The following GLI3 variants were observed in gnomAD, a reference collection of about 807,000 sequenced individuals.
GLI3 encodes the protein transcription activator GLI3.
GLI3 carries 20 observed loss-of-function variants against 100.8 expected under a neutral mutation model. The observed-to-expected ratio is 0.20, with a 90% CI of 0.14 to 0.29. The LOEUF is 0.29. Ranked by LOEUF, GLI3 falls within the 10% of genes least tolerant of loss-of-function variation. GLI3 has a pLI of 1.00. For synonymous variants in GLI3, 938 were observed against 860.5 expected (o/e 1.09, Z -1.58); for missense variants, 2,040 against 2,128.5 (o/e 0.96, Z 0.82).
Position 41,968,751 on chromosome 7 carries a change from A to AGAAAGAAG in GLI3, c.2104-829_2104-828insCTTCTTTC, listed in dbSNP as rs1562662041. ...AAGAAAGAAAGAAAGAAAGAAAGAA[A>AGAAAGAAG]GAAAGAAAGAAGGAAAGAAAGAAAG... On this transcript the variant is annotated intron_variant, in intron 13 of 14. Transcript: ENST00000395925. 2.8e-3 allele frequency among the ~76,000 whole-genome samples: 284 copies of AGAAAGAAG among 102,384 alleles called. 2 individuals carry two copies. Among genetic ancestry groups the AGAAAGAAG allele is most frequent in the African/African-American group, 7.0e-3 (176 of 25,062 alleles). The allele number at this position is 102,384 out of a possible 152,430, so 67.2% of individuals were successfully genotyped here. A position where few individuals can be genotyped will look rare whatever the true frequency, so the allele number is the denominator to read the frequency against.
chr7:42,135,947 AC>A (rs1786418856), intron 3 of GLI3, among the ~76,000 whole-genome samples: 1 of 152,174 alleles, frequency 6.6e-6, no homozygotes, highest in African/African-American at 2.4e-5. Context: ...CAAAGGGGAT[AC>A]TGTCTTCCCA....
At position 41,966,177 on chromosome 7, in the gene GLI3, G is replaced by T. The variant is rs1218979975; in HGVS notation, c.2896C>A (p.Pro966Thr). 1 of 1,602,644 alleles carries T rather than the reference G, an allele frequency of 6.2e-7. No individual in the cohort carries two copies. The highest frequency in any genetic ancestry group is 2.2e-5 in the East Asian group (1 of 44,636). Residue 966 changes from proline (P) to threonine (T), a missense_variant, in exon 15 of 15, where the codon CCT becomes ACT. Pro to Thr is a conservative substitution (Grantham distance 38). Transcript: ENST00000395925. The surrounding 1 kb of genome is among the most constrained non-coding windows in gnomAD (Gnocchi z 5.8). ...RLALLGDALE[P>T]GVALPPVHAP... Reference sequence around the variant, plus strand: ...TGAACTGGAGGCAGGGCCACGCCAGGCTCGAGGGCATCCCCGAGCAGCGCC... The same window carrying T: ...TGAACTGGAGGCAGGGCCACGCCAGTCTCGAGGGCATCCCCGAGCAGCGCC...
At chr7:42,012,152 A>G (rs1042939092) in intron 10 of GLI3, among the ~76,000 whole-genome samples, 2 of 152,196 alleles carry the variant, frequency 1.3e-5, no homozygotes, top group Non-Finnish European at 1.5e-5. Flanking sequence ...GATCTAAGAG[A>G]GGAATGTCCA....
At chr7:42,182,313 C>T (rs1294639286) in intron 2 of GLI3, among the ~76,000 whole-genome samples, 4 of 151,720 alleles carry the variant, frequency 2.6e-5, no homozygotes, top group Non-Finnish European at 4.4e-5. Flanking sequence ...TACCATGTTG[C>T]GCAGGACAGC....
At chr7:42,139,235 G>A (rs1786506943) in intron 3 of GLI3, among the ~76,000 whole-genome samples, 2 of 151,986 alleles carry the variant, frequency 1.3e-5, no homozygotes, top group Non-Finnish European at 2.9e-5. Flanking sequence ...ACAGAACACT[G>A]TTAATTCTTT....
At chr7:42,248,847 G>T (rs1789002086) in intron 1 of GLI3, among the ~76,000 whole-genome samples, 1 of 151,714 alleles carries the variant, frequency 6.6e-6, no homozygotes, top group African/African-American at 2.4e-5. Context: ...GGAGTGCAGT[G>T]GTGTGGTCAC....
At chr7:42,138,834 C>A (rs73325689) in intron 3 of GLI3, among the ~76,000 whole-genome samples, 2 of 152,186 alleles carry the variant, frequency 1.3e-5, no homozygotes, top group South Asian at 2.1e-4. Flanking sequence ...CAGTGGACGA[C>A]GTAAACACCC....
chr7:41,985,554 G>GA (rs1176162996), intron 10 of GLI3, among the ~76,000 whole-genome samples: 1 of 152,010 alleles, frequency 6.6e-6, no homozygotes, highest in African/African-American at 2.4e-5. Context: ...AAAAAAATGG[G>GA]AAAATAATTT....
At chr7:42,212,617 A>T (rs1033899205) in intron 2 of GLI3, among the ~76,000 whole-genome samples, 1 of 152,250 alleles carries the variant, frequency 6.6e-6, no homozygotes, top group Non-Finnish European at 1.5e-5. Flanking sequence ...TTGCGGATTG[A>T]GAGCTAGCAA....
intron 10 of GLI3, among the ~76,000 whole-genome samples, chr7:42,010,327 G>C (rs1256601706): frequency 1.3e-5 from 2 of 152,212 alleles, no homozygotes; most frequent in Non-Finnish European, 2.9e-5. Context: ...CACAGGGCTG[G>C]GTAGGGGAGT....
At chr7:42,241,826 T>C (rs574102731), upstream of GLI3, among the ~76,000 whole-genome samples, 134 of 152,348 alleles carry the variant, frequency 8.8e-4, 1 homozygote, top group Middle Eastern at 0.024. Flanking sequence ...CTGTGTGACA[T>C]TGACCCATAC....
intron 3 of GLI3, among the ~76,000 whole-genome samples, chr7:42,125,790 T>C (rs1002940119): frequency 3.3e-5 from 5 of 152,156 alleles, no homozygotes; most frequent in African/African-American, 9.7e-5. Flanking sequence ...TAGACGGCAT[T>C]TACGTGCAAA....
chr7:42,234,593 G>T (rs1788754103), intron 1 of GLI3, among the ~76,000 whole-genome samples: 1 of 152,114 alleles, frequency 6.6e-6, no homozygotes, highest in Non-Finnish European at 1.5e-5. Context: ...TTATATCAAG[G>T]TTCAGTCAAG....
At chr7:42,198,824 G>GA (rs1029789958) in intron 2 of GLI3, among the ~76,000 whole-genome samples, 3 of 150,476 alleles carry the variant, frequency 2.0e-5, no homozygotes, top group Non-Finnish European at 4.4e-5. Context: ...CTCTCTTGCA[G>GA]AAAAAAAATG....
intron 3 of GLI3, among the ~76,000 whole-genome samples, chr7:42,098,249 G>C (rs762944728): frequency 6.6e-6 from 1 of 152,002 alleles, no homozygotes; most frequent in African/African-American, 2.4e-5. Context: ...CTCATTATTA[G>C]ACCATAGAAA....
chr7:42,062,708 C>CAGAG (rs1455777603), intron 4 of GLI3, among the ~76,000 whole-genome samples: 4 of 112,826 alleles, frequency 3.5e-5, no homozygotes, highest in African/African-American at 1.2e-4. Context: ...TATACACACA[C>CAGAG]ACAGACACAC....
At chr7:42,248,702 A>C (rs1399506818) in intron 1 of GLI3, among the ~76,000 whole-genome samples, 1 of 152,176 alleles carries the variant, frequency 6.6e-6, no homozygotes, top group Admixed American at 6.5e-5. Context: ...ATGTGACCAC[A>C]TGTTAATATT....
At chr7:42,130,352 A>G (rs1786244762) in intron 3 of GLI3, among the ~76,000 whole-genome samples, 1 of 152,216 alleles carries the variant, frequency 6.6e-6, no homozygotes, top group Admixed American at 6.5e-5. Context: ...ATGAGGAGAA[A>G]AAAGGACAGG....
At chr7:42,178,377 T>C (rs1020813957) in intron 2 of GLI3, among the ~76,000 whole-genome samples, 2 of 152,246 alleles carry the variant, frequency 1.3e-5, no homozygotes, top group African/African-American at 4.8e-5. Flanking sequence ...CCTCGGGCAA[T>C]GACCAGGACG....
Sources: gnomAD v4.1 joint callset for allele counts (sites outside exome capture counted in the v4.1 genomes callset) on GRCh38, gnomAD v4.1.1 for gene constraint, Gnocchi (gnomAD v3.1) non-coding constraint, MANE v1.5 for transcripts, NCBI Gene and HGNC (gene_info 2026-07-23, HGNC 2026-07-21) for gene names.